Variants in ID4 observed in about 807,000 individuals in gnomAD.
ID4 encodes DNA-binding protein inhibitor ID-4.
A neutral mutation model predicts 8.6 loss-of-function variants in ID4; 9 were observed. That is an observed-to-expected ratio of 1.04 (90% confidence interval 0.63 to 1.82). The LOEUF (loss-of-function observed/expected upper bound fraction) is 1.82. ID4 is among the 40% of genes most tolerant of loss of function. ID4 has a pLI of 0.00. For synonymous variants in ID4, 180 were observed against 118.0 expected (o/e 1.53, Z -3.41); for missense variants, 270 against 235.1 (o/e 1.15, Z -0.97).
At position 19,837,709 on chromosome 6, in the gene ID4, C is replaced by T. The variant is rs1761248706; in HGVS notation, c.-46C>T. ...GGGCCCGGAGCTTGCCTGCCTCCCT[C>T]GCTCGCCCCAGCGGGTTCGCTCGCG... is the stretch of plus-strand genomic sequence containing the variant. On this transcript the variant is annotated 5_prime_UTR_variant, in exon 1 of 3. Coordinates refer to ENST00000378700, the MANE Select transcript of ID4 (RefSeq NM_001546.4). 4 of 1,087,430 alleles carry T rather than the reference C, an allele frequency of 3.7e-6. No homozygotes were observed. The highest frequency in any genetic ancestry group is 1.7e-5 in the African/African-American group (1 of 59,412). The allele number at this position is 1,087,430 out of a possible 1,614,324, so 67.4% of individuals were successfully genotyped here.
intron 2 of ID4, 98 bp downstream of exon 2, chr6:19,838,740 G>A (rs1581595228): frequency 2.9e-6 from 3 of 1,022,672 alleles, no homozygotes; most frequent in East Asian, 2.5e-5. Context: ...TGCCCCCAGC[G>A]TTTCTGAGAG....
At chr6:19,838,700 G>T (rs1761287185) in intron 2 of ID4, 58 bp downstream of exon 2, 6 of 1,493,560 alleles carry the variant, frequency 4.0e-6, no homozygotes, top group Non-Finnish European at 5.6e-6. Flanking sequence ...GTCCCCGAGG[G>T]CTTCCGGGGC....
At position 19,837,909 on chromosome 6, in the gene ID4, C is replaced by T. The variant is rs1352492723; in HGVS notation, c.155C>T (p.Ala52Val). The T allele has an allele frequency of 3.5e-6, 5 of 1,413,058 alleles. No homozygotes were observed. Among genetic ancestry groups the T allele is most frequent in the African/African-American group, 1.5e-5 (1 of 67,284 alleles). 87.5% of individuals were successfully genotyped at this position (1,413,058 alleles called of 1,614,324 possible). A position where few individuals can be genotyped will look rare whatever the true frequency, so the allele number is the denominator to read the frequency against. ...AAAAAAARCK[A>V]AEAAADEPAL... ...GCGGCGGCGGCAGCGCGCTGTAAGG[C>T]GGCCGAGGCGGCGGCCGACGAGCCG... The change falls in exon 1 of 3, where the codon GCG becomes GTG. Residue 52 changes from alanine to valine, a missense_variant. Physicochemically the swap from Ala to Val is moderately conservative, Grantham distance 64. Around this residue, in one of 3 missense-constraint regions of ID4, gnomAD observed 160 missense variants for 131.5 expected, o/e 1.22. Coordinates refer to ENST00000378700, the MANE Select transcript of ID4 (RefSeq NM_001546.4).
At position 19,838,610 on chromosome 6, in the gene ID4, C is replaced by T. The variant is rs754521441; in HGVS notation, c.468C>T (p.Asp156=). The change falls in exon 2 of 3, where the codon GAC becomes GAT. Residue 156 remains aspartate, a synonymous_variant. Coordinates refer to ENST00000378700, the MANE Select transcript of ID4 (RefSeq NM_001546.4). ...CCGGCGCGGTGAACAAGCAGGGCGA[C>T]AGCATTCTGTGCCGCTGAGCCGCGC... ...DPAGAVNKQG[D]SILCR is the part of the protein sequence containing the mutation. 3.3e-5 allele frequency: 54 copies of T among 1,613,884 alleles called. No homozygotes were observed. The highest frequency in any genetic ancestry group is 4.6e-5 in the Non-Finnish European group (54 of 1,179,896).
rs1408543275 is a variant in ID4 at position 19,837,970 on chromosome 6, T to C, written c.216T>C (p.Tyr72=). 6.9e-6 allele frequency: 11 copies of C among 1,583,760 alleles called. No individual in the cohort carries two copies. The highest frequency in any genetic ancestry group is 2.3e-5 in the South Asian group (2 of 86,796). Residue 72 remains tyrosine, a synonymous_variant, in exon 1 of 3, where the codon TAT becomes TAC. Transcript: ENST00000378700. ...LCLQCDMNDC[Y]SRLRRLVPTI... ...TGCAGTGCGATATGAACGACTGCTA[T>C]AGCCGCCTGCGGAGGCTGGTGCCCA...
chr6:19,838,957 C>T, intron 2 of ID4: 1 of 413,110 alleles, frequency 2.4e-6, no homozygotes, highest in Non-Finnish European at 4.4e-6. Flanking sequence ...TGGGAGCTGC[C>T]CCGGTGTCCT....
rs1761368064 is a variant in ID4, at chr6:19,842,033, A to C, written c.*2838A>C. Among the ~76,000 whole-genome samples the C allele has an allele frequency of 6.6e-6, 1 of 152,188 alleles. No homozygotes were observed. Among genetic ancestry groups the C allele is most frequent in the Non-Finnish European group, 1.5e-5 (1 of 68,028 alleles). On this transcript the variant is annotated 3_prime_UTR_variant, in exon 3 of 3. Transcript: ENST00000378700. ...CATCTCAATGTTAAAGGAAGAAAAA[A>C]AATACCTTTTCATTTCAAAGAACTA...
At chr6:19,839,186 C>CCTCT (rs1561853974) in intron 2 of ID4, 24 bp from the exon 3 acceptor site, 3 of 156,896 alleles carry the variant, frequency 1.9e-5, no homozygotes. Context: ...TCACACACCC[C>CCTCT]CTCTATTCAT....
chr6:19,838,324 G>T, intron 1 of ID4, 129 bp downstream of exon 1: 1 of 1,019,142 alleles, frequency 9.8e-7, no homozygotes, highest in Non-Finnish European at 1.3e-6. Context: ...CCCTCCCCCT[G>T]CTCCTCCGGG....
chr6:19,838,405 C>T (rs780666552), intron 1 of ID4, among the ~76,000 whole-genome samples, 179 bp from the exon 2 acceptor site: 3 of 152,130 alleles, frequency 2.0e-5, no homozygotes, highest in African/African-American at 4.8e-5. Context: ...GGGCGGGACT[C>T]GGGGCTGTGG....
chr6:19,840,250 A>AG lies in ID4; in HGVS notation c.*1057dup, dbSNP rs1458384477. The stretch of plus-strand genomic sequence containing the variant: ...GGATGAGGAAATGCTTGGATCCTTA[A>AG]GGAGTTTACGAAATCTGCTGTTTTA... On this transcript the variant is annotated 3_prime_UTR_variant, in exon 3 of 3. Coordinates refer to ENST00000378700, the MANE Select transcript of ID4 (RefSeq NM_001546.4). 1.3e-5 allele frequency: 2 copies of AG among 152,570 alleles called. No homozygotes were observed. The highest frequency in any genetic ancestry group is 2.9e-5 in the Non-Finnish European group (2 of 68,008). The allele number at this position is 152,570 out of a possible 1,614,324, so 9.5% of individuals were successfully genotyped here.
At chr6:19,838,838 C>A in intron 2 of ID4, 196 bp downstream of exon 2, 1 of 589,698 alleles carries the variant, frequency 1.7e-6, no homozygotes, top group Non-Finnish European at 3.0e-6. Context: ...GAGGTTCAGT[C>A]TCGGTGGAGA....
chr6:19,837,498 G>T lies in ID4; in HGVS notation c.-257G>T. On this transcript the variant is annotated 5_prime_UTR_variant, in exon 1 of 3. Transcript: ENST00000378700. The stretch of plus-strand genomic sequence containing the variant: ...AGGGAGTGACTAGGACACCCGGGTG[G>T]GCTACTTTTCTTCCGGTGCTTTTGC... The T allele has an allele frequency of 5.8e-6, 1 of 172,968 alleles. No individual in the cohort carries two copies. The highest frequency in any genetic ancestry group is 1.2e-5 in the Non-Finnish European group (1 of 83,398). The allele number at this position is 172,968 out of a possible 1,614,324, so 10.7% of individuals were successfully genotyped here.
chr6:19,838,638 T>A lies in ID4; in HGVS notation c.*10T>A. ...CATTCTGTGCCGCTGAGCCGCGCTG[T>A]CCAGGTGAGCGCGCATTTCCCGTCT... On this transcript the variant is annotated 3_prime_UTR_variant, in exon 2 of 3. Transcript: ENST00000378700. 2 of 1,613,598 alleles carry A rather than the reference T, an allele frequency of 1.2e-6. No homozygotes were observed. The highest frequency in any genetic ancestry group is 1.1e-5 in the South Asian group (1 of 91,044).
chr6:19,838,862 G>T, intron 2 of ID4: 1 of 554,064 alleles, frequency 1.8e-6, no homozygotes, highest in East Asian at 3.2e-5. Context: ...GTCAGCCCTT[G>T]TCCCCGCCGT....
In ID4 at chr6:19,840,700, T is replaced by A. The variant is rs896784521; in HGVS notation, c.*1505T>A. On this transcript the variant is annotated 3_prime_UTR_variant, in exon 3 of 3. Transcript: ENST00000378700. The stretch of plus-strand genomic sequence containing the variant: ...CTGTCTTGTACTGTGATTTCTGGTC[T>A]CATTTCTTTAAAACCTTACTCTTAT... The A allele has an allele frequency of 4.0e-5, 6 of 151,106 alleles. No homozygotes were observed. Among genetic ancestry groups the A allele is most frequent in the African/African-American group, 1.5e-4 (6 of 40,692 alleles). 9.4% of individuals were successfully genotyped at this position (151,106 alleles called of 1,614,324 possible). A position where few individuals can be genotyped will look rare whatever the true frequency, so the allele number is the denominator to read the frequency against.
chr6:19,838,812 C>G, intron 2 of ID4, 170 bp downstream of exon 2: 1 of 608,506 alleles, frequency 1.6e-6, no homozygotes, highest in Non-Finnish European at 2.9e-6. Flanking sequence ...TAAACCCGTA[C>G]TTAGCCTTAG....
chr6:19,839,340 CAAGA>C lies in ID4; in HGVS notation c.*146_*149del, dbSNP rs1747363011. On this transcript the variant is annotated 3_prime_UTR_variant, in exon 3 of 3. Transcript: ENST00000378700. Reference sequence around the variant, plus strand: ...CTAGAAACGTTTTCATTCGTCATTCCAAGAGAGAGAGAGGAAAGAAAAATACAAC... The same window carrying C: ...CTAGAAACGTTTTCATTCGTCATTCCGAGAGAGAGGAAAGAAAAATACAAC... The C allele has an allele frequency of 6.6e-6, 1 of 152,620 alleles. No homozygotes were observed. Among genetic ancestry groups the C allele is most frequent in the African/African-American group, 2.4e-5 (1 of 41,418 alleles). The allele number at this position is 152,620 out of a possible 1,614,324, so 9.5% of individuals were successfully genotyped here.
rs1362337549 is a variant in ID4, at chr6:19,839,756, G to A, written c.*561G>A. 6.6e-6 allele frequency: 1 copy of A among 152,364 alleles called. No individual in the cohort carries two copies. Among genetic ancestry groups the A allele is most frequent in the Non-Finnish European group, 1.5e-5 (1 of 67,990 alleles). The allele number at this position is 152,364 out of a possible 1,614,324, so 9.4% of individuals were successfully genotyped here. The stretch of plus-strand genomic sequence containing the variant: ...GTATATATAGAGATGTTCTATAAGT[G>A]TGAGAAAGTATATGCTTTAATAGAT... On this transcript the variant is annotated 3_prime_UTR_variant, in exon 3 of 3. Transcript: ENST00000378700.
Sources: gnomAD v4.1 joint callset for allele counts (sites outside exome capture counted in the v4.1 genomes callset) on GRCh38, gnomAD v4.1.1 for gene constraint, gnomAD v4.1.1 regional missense constraint, MANE v1.5 for transcripts, NCBI Gene and HGNC (gene_info 2026-07-23, HGNC 2026-07-21) for gene names.